TEX9: variants seen among roughly 807,000 people sequenced by gnomAD.
TEX9 encodes testis-expressed protein 9.
In TEX9, 74 loss-of-function variants were observed where a neutral mutation model predicts 59.6. That is an observed-to-expected ratio of 1.24 (90% confidence interval 1.03 to 1.51). The LOEUF (loss-of-function observed/expected upper bound fraction) is 1.51. Among genes scored for constraint, TEX9 ranks in the 40% most tolerant of loss-of-function variants. TEX9 has a pLI of 0.00. For missense variants in TEX9, 522 were observed against 447.8 expected (o/e 1.17, Z -1.49); for synonymous variants, 186 against 152.2 (o/e 1.22, Z -1.64).
intron 1 of TEX9, among the ~76,000 whole-genome samples, chr15:56,316,211 G>T (rs1169344787): frequency 1.3e-5 from 2 of 149,590 alleles, no homozygotes; most frequent in African/African-American, 4.9e-5. Context: ...CGTTCCTTTG[G>T]AGGAGGAGAG....
At chr15:56,384,953 G>A (rs535855075) in intron 4 of TEX9, among the ~76,000 whole-genome samples, 41 of 151,868 alleles carry the variant, frequency 2.7e-4, no homozygotes, top group Middle Eastern at 6.8e-3. Flanking sequence ...AAAGATTTAC[G>A]ACCATGATTT....
At chr15:56,415,382 G>A (rs2049623351) in intron 10 of TEX9, among the ~76,000 whole-genome samples, 2 of 151,832 alleles carry the variant, frequency 1.3e-5, no homozygotes. Context: ...TTCCATTTAA[G>A]TTTTTAGTTC....
At chr15:56,283,364 C>A (rs1385155120) in intron 1 of TEX9, among the ~76,000 whole-genome samples, 2 of 151,916 alleles carry the variant, frequency 1.3e-5, no homozygotes, top group Non-Finnish European at 2.9e-5. Context: ...AGATGGTATT[C>A]AAAAATATCT....
intron 4 of TEX9, among the ~76,000 whole-genome samples, chr15:56,386,442 T>C (rs1189417980): frequency 6.6e-6 from 1 of 151,944 alleles, no homozygotes; most frequent in South Asian, 2.1e-4. Flanking sequence ...ATCTCAAACC[T>C]GAAAAAAATA....
chr15:56,363,375 G>T (rs1174628758), upstream of TEX9, among the ~76,000 whole-genome samples: 1 of 151,508 alleles, frequency 6.6e-6, no homozygotes, highest in Non-Finnish European at 1.5e-5. Context: ...CACCATGTTG[G>T]CCAGGCTGGT....
Position 56,376,367 on chromosome 15 carries a change from CCAACAGTGTA to C in TEX9, c.183+2865_183+2874del, listed in dbSNP as rs529307973. Among the ~76,000 whole-genome samples the C allele has an allele frequency of 5.3e-5, 8 of 152,268 alleles. No homozygotes were observed. The East Asian group carries it at 1.5e-3, about 29-fold the overall frequency. On this transcript the variant is annotated intron_variant, in intron 3 of 12. Transcript: ENST00000352903. Reference sequence around the variant, plus strand: ...GTAGTTGTACTAATTTACATTCCCACCAACAGTGTACTAGGGTTCCCTTTCTCTACATCCT... The same window carrying C: ...GTAGTTGTACTAATTTACATTCCCACCTAGGGTTCCCTTTCTCTACATCCT...
chr15:56,342,819 T>G (rs980501592), intron 1 of TEX9, among the ~76,000 whole-genome samples: 1 of 152,210 alleles, frequency 6.6e-6, no homozygotes, highest in Non-Finnish European at 1.5e-5. Flanking sequence ...TCTCAGCTGT[T>G]GTTTCCCAAC....
intron 12 of TEX9, among the ~76,000 whole-genome samples, chr15:56,430,993 C>T (rs1420590200): frequency 1.3e-5 from 2 of 152,070 alleles, no homozygotes; most frequent in African/African-American, 4.8e-5. Context: ...AAATCCTGTC[C>T]TTACCAAAAA....
At chr15:56,374,361 G>C (rs888840434) in intron 3 of TEX9, 49 of 151,814 alleles carry the variant, frequency 3.2e-4, no homozygotes, top group African/African-American at 1.2e-3. Context: ...ACAATATAAG[G>C]TTTCTCATAT....
At chr15:56,375,956 T>C (rs1402253578) in intron 3 of TEX9, among the ~76,000 whole-genome samples, 1 of 150,978 alleles carries the variant, frequency 6.6e-6, no homozygotes, top group Admixed American at 6.6e-5. Context: ...TCATTCTCAG[T>C]AAACTATCAC....
intron 2 of TEX9, among the ~76,000 whole-genome samples, chr15:56,370,631 C>T (rs969000997): frequency 6.6e-6 from 1 of 152,190 alleles, no homozygotes; most frequent in Non-Finnish European, 1.5e-5. Flanking sequence ...AATGAGCCAT[C>T]TGCTGTCAGC....
At chr15:56,390,642 T>TA (rs1415673862) in intron 6 of TEX9, among the ~76,000 whole-genome samples, 1 of 152,124 alleles carries the variant, frequency 6.6e-6, no homozygotes, top group African/African-American at 2.4e-5. Flanking sequence ...TCCTTTTCAT[T>TA]AAAAAAAATT....
intron 12 of TEX9, among the ~76,000 whole-genome samples, chr15:56,441,937 G>T (rs1294647461): frequency 6.6e-6 from 1 of 151,890 alleles, no homozygotes; most frequent in South Asian, 2.1e-4. Flanking sequence ...GGAGAATGGC[G>T]TGAACCCGGG....
chr15:56,245,176 C>T (rs906391274), intron 1 of TEX9, among the ~76,000 whole-genome samples: 1 of 152,172 alleles, frequency 6.6e-6, no homozygotes, highest in East Asian at 1.9e-4. Flanking sequence ...CTTGGGTTGC[C>T]TGGCCTTTGA....
chr15:56,360,409 ATC>A (rs2046768477), intron 1 of TEX9, among the ~76,000 whole-genome samples: 1 of 152,146 alleles, frequency 6.6e-6, no homozygotes, highest in Admixed American at 6.5e-5. Flanking sequence ...TACTCAGATT[ATC>A]TATTTCTCCT....
chr15:56,345,765 G>A (rs893967326), intron 1 of TEX9, among the ~76,000 whole-genome samples: 1 of 152,180 alleles, frequency 6.6e-6, no homozygotes, highest in African/African-American at 2.4e-5. Context: ...TGTCATGAAA[G>A]GCCCAAGCAC....
rs1431489698 is a variant in TEX9, at chr15:56,423,894, A to G, written c.964-3711A>G. 2.6e-5 allele frequency among the ~76,000 whole-genome samples: 4 copies of G among 152,062 alleles called. No homozygotes were observed. In the East Asian group the frequency reaches 5.8e-4, roughly 22 times the overall value. ...ACCCGAGCAGTCTATACTGAACCCA[A>G]TGTGTAGTCTTTTATCCCTCTCACC... On this transcript the variant is annotated intron_variant, in intron 10 of 12. Transcript: ENST00000352903.
the TEX9 span, among the ~76,000 whole-genome samples, chr15:56,460,009 A>AAAAAAATATATATAT: frequency 2.7e-4 from 7 of 26,400 alleles, no homozygotes; most frequent in Admixed American, 5.6e-4. Flanking sequence ...AAAAAAAAAA[A>AAAAAAATATATATAT]ATACATATAT....
upstream of TEX9, among the ~76,000 whole-genome samples, chr15:56,362,394 T>C (rs1343151046): frequency 1.3e-5 from 2 of 152,236 alleles, no homozygotes; most frequent in African/African-American, 4.8e-5. Context: ...CTATCATTAA[T>C]GCTCCTCTTT....
Sources: gnomAD v4.1 joint callset for allele counts (sites outside exome capture counted in the v4.1 genomes callset) on GRCh38, gnomAD v4.1.1 for gene constraint, MANE v1.5 for transcripts, NCBI Gene and HGNC (gene_info 2026-07-23, HGNC 2026-07-21) for gene names.